The following ZNF778 variants were observed in gnomAD, a reference collection of about 807,000 sequenced individuals.
ZNF778 encodes the protein zinc finger protein 778.
ZNF778 carries 37 observed loss-of-function variants against 23.9 expected under a neutral mutation model. The observed-to-expected ratio is 1.54, with a 90% CI of 1.19 to 2.03. The LOEUF is 2.03. Ranked by LOEUF, ZNF778 falls within the 30% of genes most tolerant of loss-of-function variation. The pLI is 0.00. For missense variants in ZNF778, 1,297 were observed against 934.4 expected, an observed-to-expected ratio of 1.39 and a Z score of -5.06; for synonymous variants, 483 against 343.9, an observed-to-expected ratio of 1.40 and a Z score of -4.48.
chr16:89,224,407 C>T (rs1007867165), intron 4 of ZNF778, among the ~76,000 whole-genome samples: 2 of 152,220 alleles, frequency 1.3e-5, no homozygotes, highest in African/African-American at 4.8e-5. Flanking sequence ...ATCACAAGGT[C>T]AGGAGATTGA....
At chr16:89,223,855 C>G (rs1490414891) in intron 4 of ZNF778, among the ~76,000 whole-genome samples, 1 of 141,828 alleles carries the variant, frequency 7.1e-6, no homozygotes, top group Non-Finnish European at 1.5e-5. Context: ...GCCTGGGTGA[C>G]AGAGCGAGAC....
At chr16:89,222,950 A>G (rs1442084090) in intron 3 of ZNF778, among the ~76,000 whole-genome samples, 1 of 85,020 alleles carries the variant, frequency 1.2e-5, no homozygotes, top group Non-Finnish European at 3.0e-5. Flanking sequence ...GGCACGCGTG[A>G]CTGGAGGAGA....
In ZNF778 at chr16:89,233,839, T is replaced by C. The variant is rs1232234145; in HGVS notation, c.*5277T>C. On this transcript the variant is annotated 3_prime_UTR_variant, in exon 7 of 7. Transcript: ENST00000433976. ...AACTCAACTGTTGCAAGTACTTATT[T>C]CCGGCCACTTCCTTTTTCTAACTAC... The C allele has an allele frequency of 7.8e-7, 1 of 1,290,122 alleles. No homozygotes were observed. The highest frequency in any genetic ancestry group is 1.0e-6 in the Non-Finnish European group (1 of 989,580). 79.9% of individuals were successfully genotyped at this position (1,290,122 alleles called of 1,614,324 possible). A position where few individuals can be genotyped will look rare whatever the true frequency, so the allele number is the denominator to read the frequency against.
chr16:89,225,544 T>TG lies in ZNF778; in HGVS notation c.329-11_329-10insG, dbSNP rs2031401392. The stretch of plus-strand genomic sequence containing the variant: ...TTTGATCGTTTTTAGGTCATTCTTC[T>TG]TTCTTTTCAGAATGGCGACTTAAAA... On this transcript the variant is annotated splice_polypyrimidine_tract_variant and intron_variant, in intron 5 of 6. Coordinates refer to ENST00000433976, the MANE Select transcript of ZNF778 (RefSeq NM_001201407.2). The TG allele has an allele frequency of 6.2e-7, 1 of 1,607,602 alleles. No homozygotes were observed. The highest frequency in any genetic ancestry group is 8.5e-7 in the Non-Finnish European group (1 of 1,176,558).
At position 89,228,819 on chromosome 16, in the gene ZNF778, T is replaced by G. The variant is rs1268136439; in HGVS notation, c.*257T>G. On this transcript the variant is annotated 3_prime_UTR_variant, in exon 7 of 7. Transcript: ENST00000433976. Reference sequence around the variant, plus strand: ...ATTGATGTGTGATATGCAGCAGCATTGTTGCTGTTCTGCTCAGTACTTTGA... The same window carrying G: ...ATTGATGTGTGATATGCAGCAGCATGGTTGCTGTTCTGCTCAGTACTTTGA... 1 of 1,222,246 alleles carries G rather than the reference T, an allele frequency of 8.2e-7. No homozygotes were observed. Among genetic ancestry groups the G allele is most frequent in the Non-Finnish European group, 1.0e-6 (1 of 978,780 alleles). 75.7% of individuals were successfully genotyped at this position (1,222,246 alleles called of 1,614,324 possible). A position where few individuals can be genotyped will look rare whatever the true frequency, so the allele number is the denominator to read the frequency against.
intron 5 of ZNF778, 66 bp from the exon 6 acceptor site, chr16:89,225,489 A>G (rs746496982): frequency 2.0e-5 from 26 of 1,288,428 alleles, no homozygotes; most frequent in East Asian, 7.4e-5. Context: ...TTTTTCTGCC[A>G]TGTCTTATAT....
At chr16:89,221,238 A>T (rs1415090206) in intron 2 of ZNF778, 86 bp downstream of exon 2, 2 of 1,456,204 alleles carry the variant, frequency 1.4e-6, no homozygotes, top group African/African-American at 1.4e-5. Flanking sequence ...ACGGGGCCTG[A>T]GTAGTCACGC....
chr16:89,221,052 A>C lies in ZNF778; in HGVS notation c.-76A>C. On this transcript the variant is annotated 5_prime_UTR_variant, in exon 2 of 7. Coordinates refer to ENST00000433976, the MANE Select transcript of ZNF778 (RefSeq NM_001201407.2). The stretch of plus-strand genomic sequence containing the variant: ...GAGGAATGGAGACTGTACCTTCCAC[A>C]TAGATTCACAAGCTGCCCTGCAGTG... 1 of 1,519,676 alleles carries C rather than the reference A, an allele frequency of 6.6e-7. No individual in the cohort carries two copies. Among genetic ancestry groups the C allele is most frequent in the Non-Finnish European group, 8.9e-7 (1 of 1,119,064 alleles). The allele number at this position is 1,519,676 out of a possible 1,614,324, so 94.1% of individuals were successfully genotyped here.
Position 89,224,801 on chromosome 16 carries a change from A to T in ZNF778, c.327A>T (p.Gln109His). Residue 109 changes from glutamine (Q) to histidine (H), a missense_variant and splice_region_variant, in exon 5 of 7, where the codon CAA (glutamine) becomes CAT (histidine). Coordinates refer to ENST00000433976, the MANE Select transcript of ZNF778 (RefSeq NM_001201407.2). Reference sequence around the variant, plus strand: ...GGGCAGGGCGGAGAGCAGTTCTCCAAGGTAAGTGTGAAGAGCACGCCTGGT... The same window carrying T: ...GGGCAGGGCGGAGAGCAGTTCTCCATGGTAAGTGTGAAGAGCACGCCTGGT... Reference protein sequence around the residue: ...ELRAGRRAVLQEWRLKTKGPA... With the variant: ...ELRAGRRAVLHEWRLKTKGPA... 1 of 1,156,126 alleles carries T rather than the reference A, an allele frequency of 8.6e-7. No homozygotes were observed. The highest frequency in any genetic ancestry group is 1.2e-6 in the Non-Finnish European group (1 of 845,464). The allele number at this position is 1,156,126 out of a possible 1,614,324, so 71.6% of individuals were successfully genotyped here.
chr16:89,219,126 A>G (rs1260915243), intron 1 of ZNF778, among the ~76,000 whole-genome samples: 2 of 152,192 alleles, frequency 1.3e-5, no homozygotes, highest in Admixed American at 1.3e-4. Context: ...AAAAAATAAA[A>G]AAATAAGAAG....
chr16:89,229,033 T>A lies in ZNF778; in HGVS notation c.*471T>A. 1.0e-6 allele frequency: 1 copy of A among 991,782 alleles called. No homozygotes were observed. The highest frequency in any genetic ancestry group is 1.2e-6 in the Non-Finnish European group (1 of 834,128). 61.4% of individuals were successfully genotyped at this position (991,782 alleles called of 1,614,324 possible). A position where few individuals can be genotyped will look rare whatever the true frequency, so the allele number is the denominator to read the frequency against. On this transcript the variant is annotated 3_prime_UTR_variant, in exon 7 of 7. Coordinates refer to ENST00000433976, the MANE Select transcript of ZNF778 (RefSeq NM_001201407.2). ...AAACCTTGTGGGCTAACTTGAGACA[T>A]GTCTTTCTGGGGGTTCTGTAGACGT... is the stretch of plus-strand genomic sequence containing the variant.
At chr16:89,221,484 C>T (rs2030936628) in intron 2 of ZNF778, among the ~76,000 whole-genome samples, 1 of 152,120 alleles carries the variant, frequency 6.6e-6, no homozygotes, top group African/African-American at 2.4e-5. Flanking sequence ...CCAGGCGAAA[C>T]AGACTACCCT....
rs1394335734 is a variant in ZNF778 at position 89,234,530 on chromosome 16, A to G, written c.*5968A>G. The G allele has an allele frequency of 5.7e-6, 1 of 176,914 alleles. No individual in the cohort carries two copies. The highest frequency in any genetic ancestry group is 1.2e-5 in the Non-Finnish European group (1 of 82,352). 11.0% of individuals were successfully genotyped at this position (176,914 alleles called of 1,614,324 possible). On this transcript the variant is annotated 3_prime_UTR_variant, in exon 7 of 7. Transcript: ENST00000433976. Reference sequence around the variant, plus strand: ...TTGATCTTTGTTCTTTTTTAGAAATAGTGAGGCTGTTGTGAGGTGAGTCAC... The same window carrying G: ...TTGATCTTTGTTCTTTTTTAGAAATGGTGAGGCTGTTGTGAGGTGAGTCAC...
chr16:89,232,597 C>T lies in ZNF778; in HGVS notation c.*4035C>T, dbSNP rs1323513657. The T allele has an allele frequency of 1.7e-6, 2 of 1,188,142 alleles. No homozygotes were observed. The highest frequency in any genetic ancestry group is 1.6e-5 in the South Asian group (1 of 63,816). 73.6% of individuals were successfully genotyped at this position (1,188,142 alleles called of 1,614,324 possible). On this transcript the variant is annotated 3_prime_UTR_variant, in exon 7 of 7. Coordinates refer to ENST00000433976, the MANE Select transcript of ZNF778 (RefSeq NM_001201407.2). ...TCTCCACTCCCAATGTCTGAGGGTT[C>T]CTCAGAGTAAGATAAAATATTAAAG...
intron 2 of ZNF778, 144 bp from the exon 3 acceptor site, chr16:89,221,948 T>G: frequency 1.8e-6 from 1 of 550,480 alleles, no homozygotes; most frequent in Non-Finnish European, 3.2e-6. Flanking sequence ...TCCCTGACAC[T>G]GTATATCTGT....
At position 89,228,383 on chromosome 16, in the gene ZNF778, A is replaced by C; in HGVS notation, c.2095A>C (p.Lys699Gln). ...ACATGGAAGAATTCACACTGGGCAG[A>C]AACCCTATAAATGTAAGGAATGTGG... Reference protein sequence around the residue: ...HKHGRIHTGQKPYKCKECGKA... With the variant: ...HKHGRIHTGQQPYKCKECGKA... The change falls in exon 7 of 7, where the codon AAA becomes CAA. Residue 699 changes from lysine (K) to glutamine (Q), a missense_variant. Lys to Gln is a moderately conservative substitution (Grantham distance 53). Transcript: ENST00000433976. 1.2e-6 allele frequency: 2 copies of C among 1,613,852 alleles called. No homozygotes were observed. Among genetic ancestry groups the C allele is most frequent in the Non-Finnish European group, 1.7e-6 (2 of 1,179,810 alleles).
rs779690447 is a variant in ZNF778, at chr16:89,232,891, G to A, written c.*4329G>A. The A allele has an allele frequency of 4.7e-6, 6 of 1,266,318 alleles. No individual in the cohort carries two copies. Among genetic ancestry groups the A allele is most frequent in the East Asian group, 5.8e-5 (1 of 17,188 alleles). 78.4% of individuals were successfully genotyped at this position (1,266,318 alleles called of 1,614,324 possible). On this transcript the variant is annotated 3_prime_UTR_variant, in exon 7 of 7. Coordinates refer to ENST00000433976, the MANE Select transcript of ZNF778 (RefSeq NM_001201407.2). ...TCGCACTGCGTATGCAACTCAACTC[G>A]CACTGCGTATGCAACTCAACTCGCA...
At chr16:89,220,670 C>G (rs1192207307) in intron 1 of ZNF778, among the ~76,000 whole-genome samples, 1 of 152,100 alleles carries the variant, frequency 6.6e-6, no homozygotes, top group Non-Finnish European at 1.5e-5. Context: ...GCAAACAAAA[C>G]CTGTGACGAG....
Position 89,227,774 on chromosome 16 carries a change from G to T in ZNF778, c.1486G>T (p.Ala496Ser). ...FTVSSSLTEH[A>S]RIHTGEKPYE... ...TGTTTCTTCAAGCCTGACTGAGCAC[G>T]CGAGAATCCATACCGGAGAGAAACC... The change falls in exon 7 of 7, where the codon GCG becomes TCG. Residue 496 changes from alanine to serine, a missense_variant. By Grantham distance (99) the Ala-to-Ser change is moderately conservative. Coordinates refer to ENST00000433976, the MANE Select transcript of ZNF778 (RefSeq NM_001201407.2). 1.9e-6 allele frequency: 3 copies of T among 1,612,848 alleles called. No individual in the cohort carries two copies. The highest frequency in any genetic ancestry group is 1.7e-6 in the Non-Finnish European group (2 of 1,179,162).
Sources: gnomAD v4.1 joint callset for allele counts (sites outside exome capture counted in the v4.1 genomes callset) on GRCh38, gnomAD v4.1.1 for gene constraint, MANE v1.5 for transcripts, NCBI Gene and HGNC (gene_info 2026-07-23, HGNC 2026-07-21) for gene names.